NMNAT3: variants seen among roughly 807,000 people sequenced by gnomAD.
The protein encoded by NMNAT3 is nicotinamide/nicotinic acid mononucleotide adenylyltransferase 3.
A neutral mutation model predicts 24.8 loss-of-function variants in NMNAT3; 21 were observed. The observed-to-expected ratio is 0.85, with a 90% CI of 0.60 to 1.22. The LOEUF (loss-of-function observed/expected upper bound fraction) is 1.22, where lower values mean the gene tolerates loss of function less well. Among genes scored for constraint, NMNAT3 ranks in the 50% most tolerant of loss-of-function variants. The pLI, the probability that NMNAT3 is intolerant of heterozygous loss-of-function variation, is 0.00. For synonymous variants in NMNAT3, 136 were observed against 155.2 expected (o/e 0.88, Z 0.92); for missense variants, 387 against 436.6 (o/e 0.89, Z 1.01).
At chr3:139,572,618 C>G (rs1322228326) in intron 6 of NMNAT3, among the ~76,000 whole-genome samples, 2 of 152,136 alleles carry the variant, frequency 1.3e-5, no homozygotes, top group Non-Finnish European at 2.9e-5. Context: ...TTGCATGGCA[C>G]CTTTAGGGCC....
At chr3:139,602,753 G>A (rs2054773918) in intron 3 of NMNAT3, among the ~76,000 whole-genome samples, 1 of 152,186 alleles carries the variant, frequency 6.6e-6, no homozygotes, top group South Asian at 2.1e-4. Flanking sequence ...AATTTTATAA[G>A]TATAGAATAA....
At chr3:139,592,728 A>G (rs2054255453) in intron 3 of NMNAT3, among the ~76,000 whole-genome samples, 1 of 152,152 alleles carries the variant, frequency 6.6e-6, no homozygotes, top group Admixed American at 6.5e-5. Context: ...TAAGCTTCAT[A>G]AGTGAAGGAG....
chr3:139,652,708 C>A (rs1347172134), intron 1 of NMNAT3, among the ~76,000 whole-genome samples: 1 of 152,184 alleles, frequency 6.6e-6, no homozygotes, highest in East Asian at 1.9e-4. Flanking sequence ...CAAATTACAT[C>A]CACTTTAATT....
intron 4 of NMNAT3, chr3:139,582,847 A>T (rs2053725117): frequency 2.2e-6 from 2 of 919,328 alleles, no homozygotes; most frequent in South Asian, 6.0e-5. Flanking sequence ...CTCTTCTTTC[A>T]AATTATCTGT....
chr3:139,566,070 G>A (rs1160577584), intron 6 of NMNAT3: 1 of 151,986 alleles, frequency 6.6e-6, no homozygotes, highest in African/African-American at 2.4e-5. Flanking sequence ...GGTGTGAGAT[G>A]GTATCTCATT....
chr3:139,606,263 T>G (rs1181038620), intron 3 of NMNAT3, among the ~76,000 whole-genome samples: 1 of 152,196 alleles, frequency 6.6e-6, no homozygotes, highest in African/African-American at 2.4e-5. Context: ...AGCTCCTCAG[T>G]CTTCAGCACC....
At chr3:139,621,010 T>G (rs1416321419) in intron 3 of NMNAT3, among the ~76,000 whole-genome samples, 1 of 152,178 alleles carries the variant, frequency 6.6e-6, no homozygotes, top group Non-Finnish European at 1.5e-5. Flanking sequence ...TCGCCCAGGT[T>G]GGGCTCAAGC....
intron 1 of NMNAT3, among the ~76,000 whole-genome samples, chr3:139,645,596 G>C (rs753788572): frequency 6.6e-6 from 1 of 152,082 alleles, no homozygotes; most frequent in Non-Finnish European, 1.5e-5. Flanking sequence ...CTGTGCTCCA[G>C]GTAAGAAGAA....
At chr3:139,587,434 A>T (rs906526806) in intron 3 of NMNAT3, among the ~76,000 whole-genome samples, 17 of 152,126 alleles carry the variant, frequency 1.1e-4, no homozygotes, top group Non-Finnish European at 2.5e-4. Flanking sequence ...GCGAGAGTGG[A>T]TAGATGCCAG....
intron 4 of NMNAT3, among the ~76,000 whole-genome samples, chr3:139,579,373 A>G (rs1379044287): frequency 4.6e-5 from 7 of 152,188 alleles, no homozygotes; most frequent in Non-Finnish European, 7.4e-5. Context: ...GGATCAGGAT[A>G]TAGTTGAGGA....
At chr3:139,594,806 G>A (rs376181625) in intron 3 of NMNAT3, among the ~76,000 whole-genome samples, 10 of 152,198 alleles carry the variant, frequency 6.6e-5, no homozygotes, top group Middle Eastern at 3.4e-3. Flanking sequence ...TTGATGAGAC[G>A]TATCTCAAAA....
chr3:139,605,753 T>C (rs1194616827), intron 3 of NMNAT3, among the ~76,000 whole-genome samples: 2 of 152,138 alleles, frequency 1.3e-5, no homozygotes, highest in Non-Finnish European at 2.9e-5. Context: ...GTTTTTACCA[T>C]ACTACGCATC....
intron 3 of NMNAT3, chr3:139,599,449 A>C (rs913789031): frequency 4.3e-6 from 3 of 698,690 alleles, no homozygotes; most frequent in East Asian, 5.4e-5. Context: ...TGGGAAACAA[A>C]GGCCTTGAAA....
At chr3:139,663,454 T>G (rs888345786) in intron 1 of NMNAT3, among the ~76,000 whole-genome samples, 4 of 152,222 alleles carry the variant, frequency 2.6e-5, no homozygotes, top group Admixed American at 2.6e-4. Flanking sequence ...GCCATTATTC[T>G]GCCTGTCTCA....
At chr3:139,604,420 G>C (rs762138891) in intron 3 of NMNAT3, among the ~76,000 whole-genome samples, 1 of 152,088 alleles carries the variant, frequency 6.6e-6, no homozygotes, top group Non-Finnish European at 1.5e-5. Flanking sequence ...ATATATAAAT[G>C]TACAATAATA....
chr3:139,626,791 A>C (rs1322119736), intron 3 of NMNAT3, among the ~76,000 whole-genome samples: 1 of 152,162 alleles, frequency 6.6e-6, no homozygotes, highest in Non-Finnish European at 1.5e-5. Flanking sequence ...TCTTTGAAGA[A>C]ATAATTTCCA....
intron 3 of NMNAT3, among the ~76,000 whole-genome samples, chr3:139,626,556 A>G (rs1576680174): frequency 1.3e-5 from 2 of 152,100 alleles, no homozygotes; most frequent in African/African-American, 4.8e-5. Context: ...TATCTGCATC[A>G]AATCTGGTTT....
At chr3:139,594,867 C>CA (rs1472429225) in intron 3 of NMNAT3, among the ~76,000 whole-genome samples, 2 of 152,146 alleles carry the variant, frequency 1.3e-5, no homozygotes, top group Non-Finnish European at 2.9e-5. Flanking sequence ...ACTGAATGGG[C>CA]AAAAACTGGA....
chr3:139,573,765 T>A (rs1271035693), intron 5 of NMNAT3, 85 bp from the exon 6 acceptor site: 1 of 678,716 alleles, frequency 1.5e-6, no homozygotes, highest in East Asian at 2.8e-5. Context: ...TGTCTCAGCC[T>A]GCTTTTATCT....
Sources: allele counts gnomAD v4.1 joint callset (sites outside exome capture counted in the v4.1 genomes callset), GRCh38; gene constraint gnomAD v4.1.1; transcripts MANE v1.5; gene names NCBI Gene and HGNC (gene_info 2026-07-23, HGNC 2026-07-21).